The following SH3BP2 variants were observed in gnomAD, a reference collection of about 807,000 sequenced individuals.
SH3BP2 encodes SH3 domain-binding protein 2.
SH3BP2 carries 38 observed loss-of-function variants against 56.2 expected under a neutral mutation model. The ratio of observed to expected loss-of-function variants is 0.68; its 90% confidence interval spans 0.52 to 0.89. The LOEUF (loss-of-function observed/expected upper bound fraction) is 0.89. SH3BP2 is among the 40% of genes least tolerant of loss of function. SH3BP2 has a pLI of 0.00. For synonymous variants in SH3BP2, 346 were observed against 316.7 expected (o/e 1.09, Z -0.98); for missense variants, 748 against 762.6 (o/e 0.98, Z 0.23).
intron 1 of SH3BP2, chr4:2,794,412 C>T (rs914021339): frequency 1.8e-5 from 2 of 109,018 alleles, no homozygotes; most frequent in Admixed American, 1.7e-4. Context: ...CGTCGAAGGG[C>T]CCTCTTGGAG....
intron 1 of SH3BP2, chr4:2,796,343 GC>G (rs1723061252): frequency 1.1e-6 from 1 of 898,164 alleles, no homozygotes; most frequent in Admixed American, 6.2e-5. Flanking sequence ...GGAGAAAGGT[GC>G]CCTCCCCCAA....
chr4:2,830,499 C>CT (rs1206312291), intron 8 of SH3BP2, among the ~76,000 whole-genome samples: 1 of 152,196 alleles, frequency 6.6e-6, no homozygotes, highest in Non-Finnish European at 1.5e-5. Context: ...GTAGCTGGGA[C>CT]TACAGGCACC....
chr4:2,828,597 T>C (rs1724803599), intron 7 of SH3BP2, among the ~76,000 whole-genome samples: 1 of 152,250 alleles, frequency 6.6e-6, no homozygotes. Context: ...CGTCTTAGCC[T>C]GGCTGGCCAA....
intron 1 of SH3BP2, chr4:2,809,686 G>A: frequency 1.7e-6 from 1 of 601,348 alleles, no homozygotes; most frequent in Non-Finnish European, 2.1e-6. Flanking sequence ...GGTGGCTGCA[G>A]ACACCACCCA....
At chr4:2,806,024 C>T (rs972395197) in intron 1 of SH3BP2, among the ~76,000 whole-genome samples, 1 of 152,218 alleles carries the variant, frequency 6.6e-6, no homozygotes, top group Non-Finnish European at 1.5e-5. Flanking sequence ...TCCCTTGACA[C>T]TAGAGCAAGC....
chr4:2,812,660 C>T (rs1723803527), intron 1 of SH3BP2, among the ~76,000 whole-genome samples: 1 of 152,206 alleles, frequency 6.6e-6, no homozygotes, highest in South Asian at 2.1e-4. Flanking sequence ...CTCTGTCTGC[C>T]TTGAGAGGCC....
At chr4:2,797,100 G>C (rs569186302) in intron 1 of SH3BP2, among the ~76,000 whole-genome samples, 2 of 152,204 alleles carry the variant, frequency 1.3e-5, no homozygotes, top group African/African-American at 4.8e-5. Context: ...ATCCAGGGGT[G>C]TTGTAATCTA....
intron 11 of SH3BP2, 145 bp downstream of exon 11, chr4:2,832,557 AC>A: frequency 8.2e-6 from 6 of 731,902 alleles, no homozygotes; most frequent in South Asian, 2.9e-5. Context: ...TCCCAGCAGC[AC>A]CCCCCAATCT....
At chr4:2,825,096 C>A (rs371211628) in intron 4 of SH3BP2, 30 bp from the exon 5 acceptor site, 1 of 1,549,216 alleles carries the variant, frequency 6.5e-7, no homozygotes, top group Non-Finnish European at 8.7e-7. Flanking sequence ...CTGGTGGCAC[C>A]GTGCCCACCA....
Position 2,807,788 on chromosome 4 carries a change from G to C in SH3BP2, c.-4-12826G>C, listed in dbSNP as rs569846119. Among the ~76,000 whole-genome samples the C allele has an allele frequency of 4.3e-4, 65 of 152,322 alleles. 2 individuals are homozygous for C. The highest frequency in any genetic ancestry group is 3.4e-3 in the Middle Eastern group (1 of 294). ...GGGTGAACGCGAGGCCAGGAGGTGG[G>C]GTCAGCAAGCCTGGCGGGTGTGGGT... On this transcript the variant is annotated intron_variant, in intron 1 of 12. Coordinates refer to ENST00000503393, the MANE Select transcript of SH3BP2 (RefSeq NM_001122681.2).
intron 1 of SH3BP2, chr4:2,818,618 C>A: frequency 1.4e-6 from 1 of 714,948 alleles, no homozygotes; most frequent in Non-Finnish European, 1.8e-6. Context: ...CGCGGGCGGA[C>A]TGGGCACGGG....
At chr4:2,798,759 C>T (rs528040898) in intron 1 of SH3BP2, among the ~76,000 whole-genome samples, 12 of 152,336 alleles carry the variant, frequency 7.9e-5, no homozygotes, top group South Asian at 2.1e-4. Context: ...AGTGACTTCC[C>T]GTTGCCATCA....
intron 1 of SH3BP2, chr4:2,798,664 C>G (rs1723139924): frequency 6.6e-6 from 1 of 152,480 alleles, no homozygotes; most frequent in Non-Finnish European, 1.5e-5. Flanking sequence ...GGGGCCTGGC[C>G]TGGCAGGCAG....
chr4:2,796,867 G>A (rs540177413), intron 1 of SH3BP2, among the ~76,000 whole-genome samples: 1 of 152,366 alleles, frequency 6.6e-6, no homozygotes, highest in African/African-American at 2.4e-5. Context: ...CGCGAGGCAG[G>A]GGCCGAGGGA....
At chr4:2,816,955 C>T (rs552903163) in intron 1 of SH3BP2, among the ~76,000 whole-genome samples, 13 of 152,260 alleles carry the variant, frequency 8.5e-5, no homozygotes, top group Admixed American at 7.2e-4. Flanking sequence ...GAATGAGTTC[C>T]CTCCTCTTCT....
chr4:2,799,157 C>T (rs1723157466), intron 1 of SH3BP2: 2 of 985,546 alleles, frequency 2.0e-6, no homozygotes, highest in Non-Finnish European at 2.4e-6. Flanking sequence ...GGCTGCCTGT[C>T]CCCACAGGTG....
chr4:2,841,036 CTG>C lies in SH3BP2; in HGVS notation c.*7203_*7204del, dbSNP rs1311464415. Reference sequence around the variant, plus strand: ...ATATAAAACACACCTTGTCTTTTAACTGGAGCATTTTGTCCATTGTGTATTTA... The same window carrying C: ...ATATAAAACACACCTTGTCTTTTAACGAGCATTTTGTCCATTGTGTATTTA... On this transcript the variant is annotated 3_prime_UTR_variant, in exon 13 of 13. Coordinates refer to ENST00000503393, the MANE Select transcript of SH3BP2 (RefSeq NM_001122681.2). The C allele has an allele frequency of 1.3e-5, 2 of 151,652 alleles. No homozygotes were observed. Among genetic ancestry groups the C allele is most frequent in the African/African-American group, 4.8e-5 (2 of 41,254 alleles). 9.4% of individuals were successfully genotyped at this position (151,652 alleles called of 1,614,324 possible).
In SH3BP2 at chr4:2,805,962, G is replaced by A. The variant is rs563078729; in HGVS notation, c.-5+12824G>A. ...GACGCCTGTTCTGGAGGCCAGGCCC[G>A]CAGGCAGGAAGGAAAAGCACGGCCG... On this transcript the variant is annotated intron_variant, in intron 1 of 12. Coordinates refer to ENST00000503393, the MANE Select transcript of SH3BP2 (RefSeq NM_001122681.2). 2.6e-5 allele frequency among the ~76,000 whole-genome samples: 4 copies of A among 152,324 alleles called. No individual in the cohort carries two copies. In the East Asian group the frequency reaches 5.8e-4, roughly 22 times the overall value.
intron 1 of SH3BP2, chr4:2,809,690 C>A: frequency 3.3e-6 from 2 of 611,948 alleles, no homozygotes; most frequent in Non-Finnish European, 4.1e-6. Flanking sequence ...GCTGCAGACA[C>A]CACCCACTGT....
Sources: allele counts gnomAD v4.1 joint callset (sites outside exome capture counted in the v4.1 genomes callset), GRCh38; gene constraint gnomAD v4.1.1; transcripts MANE v1.5; gene names NCBI Gene and HGNC (gene_info 2026-07-23, HGNC 2026-07-21).